The following SLIT3 variants were observed in gnomAD, a reference collection of about 807,000 sequenced individuals.
SLIT3 encodes the protein slit guidance ligand 3.
SLIT3 carries 68 observed loss-of-function variants against 184.0 expected under a neutral mutation model. That is an observed-to-expected ratio of 0.37 (90% CI 0.30 to 0.45). The LOEUF (loss-of-function observed/expected upper bound fraction) is 0.45, where lower values mean the gene tolerates loss of function less well. SLIT3 is among the 20% of genes least tolerant of loss of function. SLIT3 has a pLI of 1.00. For missense variants in SLIT3, 1,707 were observed against 2,026.0 expected (o/e 0.84, Z 3.02); for synonymous variants, 831 against 828.6 (o/e 1.00, Z -0.05).
chr5:168,879,888 G>C (rs1759884465), intron 5 of SLIT3, among the ~76,000 whole-genome samples: 1 of 152,188 alleles, frequency 6.6e-6, no homozygotes, highest in African/African-American at 2.4e-5. Context: ...GATTTATATT[G>C]ATATATCTTA....
In SLIT3 at chr5:169,221,605, G is replaced by A. The variant is rs556560673; in HGVS notation, c.341+23100C>T. ...AGGGTGGGATTTATTCACTGCTTCT[G>A]TTGCAAGGGTGGGTGGTCACTACCC... On this transcript the variant is annotated intron_variant, in intron 3 of 35. Coordinates refer to ENST00000519560, the MANE Select transcript of SLIT3 (RefSeq NM_003062.4). 7.0e-4 allele frequency among the ~76,000 whole-genome samples: 106 copies of A among 152,310 alleles called. 1 individual carries two copies. Among genetic ancestry groups the A allele is most frequent in the Middle Eastern group, 3.4e-3 (1 of 294 alleles).
intron 4 of SLIT3, among the ~76,000 whole-genome samples, chr5:168,908,986 G>T (rs542509865): frequency 2.6e-5 from 4 of 152,254 alleles, no homozygotes; most frequent in Non-Finnish European, 4.4e-5. Context: ...CTCCCTTACA[G>T]CTGTGAAAGG....
intron 12 of SLIT3, among the ~76,000 whole-genome samples, chr5:168,777,091 ACACACACACACACACC>A (rs1230178929): frequency 1.9e-4 from 16 of 83,596 alleles, no homozygotes; most frequent in African/African-American, 6.6e-4. Context: ...ACACACACAC[ACACACACACACACACC>A]CCCCATACCA....
At chr5:168,743,124 T>C (rs1315329054) in intron 20 of SLIT3, among the ~76,000 whole-genome samples, 1 of 152,210 alleles carries the variant, frequency 6.6e-6, no homozygotes, top group African/African-American at 2.4e-5. Flanking sequence ...AAAGCATTAT[T>C]AGAAGGGCAG....
chr5:169,080,408 G>T (rs1235322708), intron 4 of SLIT3, among the ~76,000 whole-genome samples: 2 of 152,146 alleles, frequency 1.3e-5, no homozygotes, highest in Non-Finnish European at 2.9e-5. Context: ...AAGGTAATCT[G>T]GGGAGGTGGG....
chr5:168,746,369 TGTGA>T (rs1763811142), intron 20 of SLIT3, among the ~76,000 whole-genome samples: 1 of 114,540 alleles, frequency 8.7e-6, no homozygotes, highest in Non-Finnish European at 1.8e-5. Flanking sequence ...GTGTGTGGTG[TGTGA>T]GTGTGGTGGT....
rs532448065 is a variant in SLIT3 at position 169,074,567 on chromosome 5, G to A, written c.413+118912C>T. Among the ~76,000 whole-genome samples, 6 of 152,268 alleles carry A rather than the reference G, an allele frequency of 3.9e-5. No individual in the cohort carries two copies. The East Asian group carries it at 1.2e-3, about 29-fold the overall frequency. ...CAGAAACCCAATTTTACAGTTGAGG[G>A]AGTAAAAGCTCGGAGAGGTGAGTAC... On this transcript the variant is annotated intron_variant, in intron 4 of 35. Transcript: ENST00000519560.
At chr5:168,718,391 C>T (rs572590921) in intron 23 of SLIT3, among the ~76,000 whole-genome samples, 2 of 152,184 alleles carry the variant, frequency 1.3e-5, no homozygotes, top group Admixed American at 1.3e-4. Flanking sequence ...TGAGCACACA[C>T]TGAAATTGCC....
At chr5:168,974,837 G>A (rs1030667127) in intron 4 of SLIT3, among the ~76,000 whole-genome samples, 6 of 152,176 alleles carry the variant, frequency 3.9e-5, no homozygotes, top group Admixed American at 3.3e-4. Flanking sequence ...ACTGCTGCAG[G>A]GGGTTCAGGA....
intron 4 of SLIT3, among the ~76,000 whole-genome samples, chr5:168,895,416 T>C (rs1228404849): frequency 1.3e-5 from 2 of 152,176 alleles, no homozygotes; most frequent in Non-Finnish European, 2.9e-5. Flanking sequence ...TTCTTGTAAC[T>C]TTTCAGAAGA....
At chr5:168,990,001 G>A (rs753898703) in intron 4 of SLIT3, among the ~76,000 whole-genome samples, 2 of 152,178 alleles carry the variant, frequency 1.3e-5, no homozygotes, top group Admixed American at 6.5e-5. Context: ...AAAGTTCCAC[G>A]GCCGCCTATC....
intron 3 of SLIT3, among the ~76,000 whole-genome samples, chr5:169,213,354 A>G (rs763640118): frequency 6.6e-6 from 1 of 152,206 alleles, no homozygotes; most frequent in African/African-American, 2.4e-5. Context: ...CATGGATAGG[A>G]GAAAGTAATT....
intron 4 of SLIT3, among the ~76,000 whole-genome samples, chr5:168,951,290 G>A (rs1430086046): frequency 2.0e-5 from 3 of 152,134 alleles, no homozygotes; most frequent in African/African-American, 7.2e-5. Flanking sequence ...TATAGATTCA[G>A]CATACAGCAC....
intron 4 of SLIT3, among the ~76,000 whole-genome samples, chr5:169,174,269 T>C (rs547475064): frequency 6.6e-6 from 1 of 152,296 alleles, no homozygotes; most frequent in African/African-American, 2.4e-5. Flanking sequence ...CTGTCAATGA[T>C]AATCCTGAGA....
intron 4 of SLIT3, among the ~76,000 whole-genome samples, chr5:169,008,100 T>C (rs1479973193): frequency 1.3e-5 from 2 of 152,210 alleles, no homozygotes; most frequent in Non-Finnish European, 2.9e-5. Context: ...GGTGAACTAA[T>C]GATAATTTTA....
intron 4 of SLIT3, among the ~76,000 whole-genome samples, chr5:168,998,885 C>A (rs1755604565): frequency 6.8e-6 from 1 of 146,446 alleles, no homozygotes; most frequent in South Asian, 2.2e-4. Context: ...GGGAGGGGAC[C>A]CAGAAATCTG....
chr5:168,725,522 A>G (rs930585730), intron 20 of SLIT3, among the ~76,000 whole-genome samples: 17 of 152,148 alleles, frequency 1.1e-4, no homozygotes, highest in Admixed American at 3.3e-4. Context: ...ATCCTCTCCT[A>G]TAAGAGTCAA....
In SLIT3 at chr5:168,756,151, G is replaced by GA. The variant is rs139674103; in HGVS notation, c.1686-2145dup. 7.7e-3 allele frequency among the ~76,000 whole-genome samples: 1,168 copies of GA among 152,332 alleles called. 40 individuals carry two copies. The East Asian group carries it at 0.077, about 10-fold the overall frequency. On this transcript the variant is annotated intron_variant, in intron 16 of 35. Transcript: ENST00000519560. ...TGGCGGGCTCGCAGAGATAGACCAG[G>GA]ACCATTTTACTGCTGAAGATACTGA... is the stretch of plus-strand genomic sequence containing the variant.
chr5:169,041,914 C>T (rs866633295), intron 4 of SLIT3, among the ~76,000 whole-genome samples: 1 of 152,126 alleles, frequency 6.6e-6, no homozygotes, highest in Middle Eastern at 3.2e-3. Context: ...GTATAGGGTG[C>T]CAAGATCCCT....
Sources: allele counts gnomAD v4.1 joint callset (sites outside exome capture counted in the v4.1 genomes callset), GRCh38; gene constraint gnomAD v4.1.1; transcripts MANE v1.5; gene names NCBI Gene and HGNC (gene_info 2026-07-23, HGNC 2026-07-21).